WDR26: variants seen among roughly 807,000 people sequenced by gnomAD.
The protein encoded by WDR26 is WD repeat domain 26.
In WDR26, 5 loss-of-function variants were observed where a neutral mutation model predicts 84.1. The observed-to-expected ratio is 0.06, with a 90% confidence interval of 0.03 to 0.13. WDR26 has a LOEUF of 0.13. WDR26 is among the 10% of genes least tolerant of loss of function. The pLI is 1.00. For synonymous variants in WDR26, 415 were observed against 389.6 expected (o/e 1.07, Z -0.77); for missense variants, 642 against 974.9 (o/e 0.66, Z 4.55).
At chr1:224,410,955 G>A (rs977468007) in intron 7 of WDR26, among the ~76,000 whole-genome samples, 3 of 152,104 alleles carry the variant, frequency 2.0e-5, no homozygotes, top group African/African-American at 7.2e-5. Flanking sequence ...GCTTCCCAAA[G>A]TGCTGGGATT....
intron 7 of WDR26, among the ~76,000 whole-genome samples, chr1:224,407,141 AAAAAAAAAAAAT>A (rs1245706248): frequency 4.5e-4 from 16 of 35,596 alleles, no homozygotes; most frequent in African/African-American, 2.0e-3. Context: ...AAAAAAAAAA[AAAAAAAAAAAAT>A]ATATATATAT....
At chr1:224,411,324 AAAG>A in intron 7 of WDR26, 100 bp downstream of exon 7, 4 of 1,260,848 alleles carry the variant, frequency 3.2e-6, no homozygotes, top group Non-Finnish European at 4.2e-6. Context: ...TGCTCTTAGA[AAAG>A]AATACTATTG....
At chr1:224,429,875 GA>G (rs995784409) in intron 3 of WDR26, 27 of 151,928 alleles carry the variant, frequency 1.8e-4, no homozygotes, top group African/African-American at 6.3e-4. Context: ...AAACAAATAA[GA>G]AAAAAATAGG....
At chr1:224,409,713 A>C (rs1231879254) in intron 7 of WDR26, among the ~76,000 whole-genome samples, 3 of 151,404 alleles carry the variant, frequency 2.0e-5, no homozygotes, top group African/African-American at 7.3e-5. Flanking sequence ...AAATGAAAAA[A>C]TTAGCTGGGC....
intron 7 of WDR26, among the ~76,000 whole-genome samples, chr1:224,408,955 A>G (rs1673657761): frequency 6.6e-6 from 1 of 152,174 alleles, no homozygotes; most frequent in South Asian, 2.1e-4. Flanking sequence ...CTCTATTATT[A>G]TTAAACACAG....
Position 224,389,706 on chromosome 1 carries a change from G to A in WDR26, c.*129C>T. 3.0e-6 allele frequency: 3 copies of A among 1,016,802 alleles called. No individual in the cohort carries two copies. Among genetic ancestry groups the A allele is most frequent in the Non-Finnish European group, 4.6e-6 (3 of 658,892 alleles). 63.0% of individuals were successfully genotyped at this position (1,016,802 alleles called of 1,614,324 possible). A position where few individuals can be genotyped will look rare whatever the true frequency, so the allele number is the denominator to read the frequency against. ...AATGTTTGGCCCCAATCGGGCTTCA[G>A]AAATGGTTCTTTTTTCATGACGAGC... On this transcript the variant is annotated 3_prime_UTR_variant, in exon 14 of 14. Transcript: ENST00000414423.
chr1:224,415,715 C>T (rs1371332628), intron 6 of WDR26, among the ~76,000 whole-genome samples: 1 of 152,058 alleles, frequency 6.6e-6, no homozygotes, highest in Non-Finnish European at 1.5e-5. Context: ...CTCGCCTCGG[C>T]CCCCCAAATA....
chr1:224,434,745 C>A lies in WDR26; in HGVS notation c.-340G>T. 1.0e-6 allele frequency: 1 copy of A among 986,992 alleles called. No individual in the cohort carries two copies. Among genetic ancestry groups the A allele is most frequent in the Non-Finnish European group, 1.2e-6 (1 of 831,024 alleles). 61.1% of individuals were successfully genotyped at this position (986,992 alleles called of 1,614,324 possible). A position where few individuals can be genotyped will look rare whatever the true frequency, so the allele number is the denominator to read the frequency against. ...GCAGCTGCCGCCTCTGTCCTCGGAT[C>A]CGCTCCGCTCTGCTCCCTGGTGTGT... On this transcript the variant is annotated 5_prime_UTR_variant, in exon 1 of 14. Coordinates refer to ENST00000414423, the MANE Select transcript of WDR26 (RefSeq NM_001379403.1).
At chr1:224,418,455 A>G in intron 5 of WDR26, 39 bp from the exon 6 acceptor site, 1 of 1,536,898 alleles carries the variant, frequency 6.5e-7, no homozygotes, top group Non-Finnish European at 8.8e-7. Flanking sequence ...AAATAATAAT[A>G]AACTGTAAAC....
At chr1:224,395,709 A>G (rs957433157) in intron 12 of WDR26, among the ~76,000 whole-genome samples, 1 of 152,172 alleles carries the variant, frequency 6.6e-6, no homozygotes, top group Non-Finnish European at 1.5e-5. Flanking sequence ...AATGCAATTG[A>G]ATATTTCTCT....
At chr1:224,394,094 C>T in intron 12 of WDR26, 81 bp from the exon 13 acceptor site, 1 of 1,094,208 alleles carries the variant, frequency 9.1e-7, no homozygotes, top group Middle Eastern at 2.5e-4. Context: ...TCACTACACA[C>T]AGGACTCTTT....
chr1:224,418,990 C>T (rs185947853), intron 5 of WDR26, among the ~76,000 whole-genome samples: 32 of 152,304 alleles, frequency 2.1e-4, no homozygotes, highest in African/African-American at 7.0e-4. Flanking sequence ...CCCAACTGCA[C>T]GGCTTTGTGA....
intron 13 of WDR26, among the ~76,000 whole-genome samples, chr1:224,392,189 GTC>G (rs1673147124): frequency 6.6e-6 from 1 of 151,954 alleles, no homozygotes; most frequent in Non-Finnish European, 1.5e-5. Flanking sequence ...GTGAAACCCC[GTC>G]TCTACTAAAA....
chr1:224,408,273 A>C (rs544614160), intron 7 of WDR26, among the ~76,000 whole-genome samples: 1 of 152,276 alleles, frequency 6.6e-6, no homozygotes, highest in African/African-American at 2.4e-5. Flanking sequence ...TTCTTCACCT[A>C]ATATTTACTT....
At chr1:224,415,714 G>GC (rs1442691225) in intron 6 of WDR26, among the ~76,000 whole-genome samples, 2 of 152,022 alleles carry the variant, frequency 1.3e-5, no homozygotes, top group African/African-American at 4.8e-5. Context: ...ACTCGCCTCG[G>GC]CCCCCCAAAT....
chr1:224,408,633 C>CTTTTTT (rs67639407), intron 7 of WDR26, among the ~76,000 whole-genome samples: 2 of 115,814 alleles, frequency 1.7e-5, no homozygotes, highest in African/African-American at 3.1e-5. Flanking sequence ...TCATCCCATT[C>CTTTTTT]TTTTTTTTTT....
intron 6 of WDR26, among the ~76,000 whole-genome samples, chr1:224,416,438 G>A (rs1292538358): frequency 1.3e-5 from 2 of 152,070 alleles, no homozygotes; most frequent in Non-Finnish European, 2.9e-5. Flanking sequence ...ATGTTAGCCA[G>A]GATGGTCTCA....
At chr1:224,407,173 A>ATATATATATATATATATAT (rs1558426297) in intron 7 of WDR26, among the ~76,000 whole-genome samples, 2 of 81,488 alleles carry the variant, frequency 2.5e-5, no homozygotes, top group African/African-American at 5.1e-5. Context: ...TATATATATA[A>ATATATATATATATATATAT]CTCAAAAACT....
chr1:224,414,771 G>A (rs1379342034), intron 6 of WDR26, among the ~76,000 whole-genome samples: 3 of 152,104 alleles, frequency 2.0e-5, no homozygotes, highest in South Asian at 2.1e-4. Flanking sequence ...CCTGAGGCCA[G>A]GAGTTTGAGA....
Sources: gnomAD v4.1 joint callset for allele counts (sites outside exome capture counted in the v4.1 genomes callset) on GRCh38, gnomAD v4.1.1 for gene constraint, MANE v1.5 for transcripts, NCBI Gene and HGNC (gene_info 2026-07-23, HGNC 2026-07-21) for gene names.